COL21A1: variants seen among roughly 807,000 people sequenced by gnomAD.
The protein encoded by COL21A1 is collagen type XXI alpha 1 chain.
Under a neutral mutation model 137.9 loss-of-function variants are expected in COL21A1, and 149 were observed. That is an observed-to-expected ratio of 1.08 (90% CI 0.95 to 1.24). The LOEUF is 1.24. Among genes scored for constraint, COL21A1 ranks in the 50% most tolerant of loss-of-function variants. The pLI, the probability that COL21A1 is intolerant of heterozygous loss-of-function variation, is 0.00. For synonymous variants in COL21A1, 456 were observed against 391.5 expected (o/e 1.16, Z -1.95); for missense variants, 1,167 against 1,158.4 (o/e 1.01, Z -0.11).
chr6:56,274,897 A>G (rs1299241058), intron 1 of COL21A1, among the ~76,000 whole-genome samples: 1 of 152,144 alleles, frequency 6.6e-6, no homozygotes, highest in African/African-American at 2.4e-5. Context: ...AAAAAGCCCA[A>G]AGAGCCAAAG....
At chr6:56,069,986 A>G (rs1287505705) in intron 21 of COL21A1, among the ~76,000 whole-genome samples, 8 of 151,310 alleles carry the variant, frequency 5.3e-5, no homozygotes, top group African/African-American at 1.9e-4. Flanking sequence ...CCAGTTCTCC[A>G]CTCTCCATCA....
intron 3 of COL21A1, among the ~76,000 whole-genome samples, chr6:56,176,166 A>G (rs561754010): frequency 6.6e-6 from 1 of 152,274 alleles, no homozygotes; most frequent in East Asian, 1.9e-4. Flanking sequence ...AAACTATAAA[A>G]TTTCTAAAAG....
At chr6:56,349,528 T>C (rs1189258569) in intron 1 of COL21A1, among the ~76,000 whole-genome samples, 2 of 152,170 alleles carry the variant, frequency 1.3e-5, no homozygotes, top group Non-Finnish European at 2.9e-5. Flanking sequence ...TGGCAATAGG[T>C]ATATCTCTAC....
intron 7 of COL21A1, 24 bp downstream of exon 7, chr6:56,166,881 GA>G (rs751507724): frequency 1.5e-5 from 23 of 1,579,460 alleles, no homozygotes; most frequent in East Asian, 1.1e-4. Context: ...CAACATCTGG[GA>G]AAAAAACAAT....
intron 22 of COL21A1, among the ~76,000 whole-genome samples, chr6:56,068,106 T>G (rs995236262): frequency 6.6e-6 from 1 of 151,668 alleles, no homozygotes; most frequent in African/African-American, 2.4e-5. Context: ...ACTTAACATT[T>G]ACTAAGAGTC....
At chr6:56,257,978 T>C (rs796533577) in intron 1 of COL21A1, among the ~76,000 whole-genome samples, 4 of 152,222 alleles carry the variant, frequency 2.6e-5, no homozygotes, top group African/African-American at 9.6e-5. Context: ...TATTTCTGGA[T>C]TGAGATTATG....
intron 1 of COL21A1, among the ~76,000 whole-genome samples, chr6:56,287,016 T>G (rs1022220735): frequency 5.9e-5 from 9 of 152,208 alleles, no homozygotes; most frequent in African/African-American, 2.2e-4. Context: ...TAATTGCTCT[T>G]AGGAAAACAA....
intron 1 of COL21A1, among the ~76,000 whole-genome samples, chr6:56,194,331 T>A (rs1212353570): frequency 6.6e-6 from 1 of 152,210 alleles, no homozygotes. Context: ...GTGTGTTTCA[T>A]AAATATTTCA....
chr6:56,290,616 C>T (rs1403585670), intron 1 of COL21A1, among the ~76,000 whole-genome samples: 2 of 151,458 alleles, frequency 1.3e-5, no homozygotes, highest in African/African-American at 2.4e-5. Flanking sequence ...TCTCCCGCCT[C>T]GGCCTCCTGA....
chr6:56,284,923 A>G (rs1214478540), intron 1 of COL21A1, among the ~76,000 whole-genome samples: 3 of 151,920 alleles, frequency 2.0e-5, no homozygotes, highest in African/African-American at 7.3e-5. Flanking sequence ...ACTAAATTAG[A>G]CTCATTTAGG....
chr6:56,069,021 A>G, intron 22 of COL21A1, 25 bp downstream of exon 22: 1 of 1,537,584 alleles, frequency 6.5e-7, no homozygotes, highest in Non-Finnish European at 8.9e-7. Flanking sequence ...TTAAAAGCGA[A>G]CTGTATCTCC....
At chr6:56,067,232 TAAG>T in intron 23 of COL21A1, 60 bp downstream of exon 23, 1 of 1,291,332 alleles carries the variant, frequency 7.7e-7, no homozygotes, top group South Asian at 1.3e-5. Flanking sequence ...AAAAGTAAAA[TAAG>T]AACTTTTTAA....
At chr6:56,329,516 T>A (rs1286802787) in intron 1 of COL21A1, among the ~76,000 whole-genome samples, 1 of 152,120 alleles carries the variant, frequency 6.6e-6, no homozygotes, top group East Asian at 1.9e-4. Flanking sequence ...CTGCATTTTC[T>A]CCCCTCTTTA....
chr6:56,073,772 A>G (rs1301798169), intron 20 of COL21A1, among the ~76,000 whole-genome samples: 1 of 151,546 alleles, frequency 6.6e-6, no homozygotes, highest in African/African-American at 2.4e-5. Flanking sequence ...TTAAAATCTA[A>G]AAGTAAAGAT....
intron 1 of COL21A1, chr6:56,225,805 T>C (rs866363546): frequency 1.3e-5 from 2 of 152,016 alleles, no homozygotes; most frequent in Non-Finnish European, 2.9e-5. Flanking sequence ...AATTCTAGAA[T>C]GGCAGAAGGT....
chr6:56,075,319 T>C (rs964958457), intron 19 of COL21A1, among the ~76,000 whole-genome samples, 160 bp downstream of exon 19: 1 of 151,422 alleles, frequency 6.6e-6, no homozygotes, highest in African/African-American at 2.4e-5. Flanking sequence ...AAAATGCACA[T>C]AGACATAATA....
chr6:56,292,327 C>T (rs573800618), intron 1 of COL21A1, among the ~76,000 whole-genome samples: 6 of 151,516 alleles, frequency 4.0e-5, no homozygotes, highest in African/African-American at 4.9e-5. Context: ...CTTAATTGCC[C>T]GAGTAAATTC....
chr6:56,387,281 C>T (rs943464952), intron 1 of COL21A1, among the ~76,000 whole-genome samples: 5 of 152,072 alleles, frequency 3.3e-5, no homozygotes, highest in Non-Finnish European at 7.4e-5. Flanking sequence ...AAGTCAAGCA[C>T]CAGGGATTTA....
chr6:56,325,622 A>ATAAT (rs1323260223), intron 1 of COL21A1, among the ~76,000 whole-genome samples: 88 of 732 alleles, frequency 0.12, 31 homozygotes, highest in African/African-American at 0.17. Flanking sequence ...TATATATAAT[A>ATAAT]ATCTATTATA....
Sources: gnomAD v4.1 joint callset for allele counts (sites outside exome capture counted in the v4.1 genomes callset) on GRCh38, gnomAD v4.1.1 for gene constraint, MANE v1.5 for transcripts, NCBI Gene and HGNC (gene_info 2026-07-23, HGNC 2026-07-21) for gene names.